LDLRAD4: variants seen among roughly 807,000 people sequenced by gnomAD.
The protein encoded by LDLRAD4 is low density lipoprotein receptor class A domain containing 4, also known as low-density lipoprotein receptor class A domain-containing protein 4.
LDLRAD4 carries 5 observed loss-of-function variants against 17.0 expected under a neutral mutation model. That is an observed-to-expected ratio of 0.29 (90% CI 0.15 to 0.62). LDLRAD4 has a LOEUF of 0.62. LDLRAD4 is among the 20% of genes least tolerant of loss of function. LDLRAD4 has a pLI of 0.84. For synonymous variants in LDLRAD4, 168 were observed against 171.8 expected, an observed-to-expected ratio of 0.98 and a Z score of 0.17; for missense variants, 340 against 424.7, an observed-to-expected ratio of 0.80 and a Z score of 1.75.
At chr18:13,296,677 A>G (rs890342903) in intron 1 of LDLRAD4, among the ~76,000 whole-genome samples, 2 of 151,978 alleles carry the variant, frequency 1.3e-5, no homozygotes, top group Non-Finnish European at 2.9e-5. Flanking sequence ...GAACCTGGCC[A>G]TAAACAGCCT....
intron 3 of LDLRAD4, chr18:13,611,995 G>A: frequency 1.0e-6 from 1 of 985,494 alleles, no homozygotes; most frequent in Non-Finnish European, 1.2e-6. Context: ...GCACGCTCTG[G>A]GAGCGGATCT....
intron 1 of LDLRAD4, among the ~76,000 whole-genome samples, chr18:13,266,498 C>T (rs2044227702): frequency 6.6e-6 from 1 of 152,228 alleles, no homozygotes; most frequent in African/African-American, 2.4e-5. Context: ...GCTCAGGTGT[C>T]CAGAGGCGGG....
chr18:13,334,956 A>G (rs1038349088), intron 1 of LDLRAD4, among the ~76,000 whole-genome samples: 2 of 152,200 alleles, frequency 1.3e-5, no homozygotes, highest in East Asian at 1.9e-4. Flanking sequence ...GCTCATTTAC[A>G]TTATTGATAT....
chr18:13,556,140 G>A (rs762924820), intron 3 of LDLRAD4, among the ~76,000 whole-genome samples: 22 of 152,148 alleles, frequency 1.4e-4, no homozygotes, highest in Admixed American at 5.2e-4. Flanking sequence ...AGAGTTCATC[G>A]TGTCTGGAAA....
chr18:13,266,175 A>G (rs1021363728), intron 1 of LDLRAD4, among the ~76,000 whole-genome samples: 2 of 152,130 alleles, frequency 1.3e-5, no homozygotes, highest in African/African-American at 4.8e-5. Context: ...ACTCGCCCAG[A>G]CCTTAAAAAC....
At chr18:13,468,155 T>C (rs1261193538) in intron 3 of LDLRAD4, among the ~76,000 whole-genome samples, 1 of 152,062 alleles carries the variant, frequency 6.6e-6, no homozygotes, top group Non-Finnish European at 1.5e-5. Context: ...TTTATCAAAA[T>C]GAAAGACTTG....
chr18:13,255,583 G>A (rs1945135), intron 1 of LDLRAD4, among the ~76,000 whole-genome samples: 14,425 of 152,266 alleles, frequency 0.095, 802 homozygotes, highest in East Asian at 0.17. Flanking sequence ...GTCCAGGTGG[G>A]ATGGGAGCCC....
chr18:13,625,739 C>G (rs1231675129), intron 4 of LDLRAD4, among the ~76,000 whole-genome samples: 1 of 130,580 alleles, frequency 7.7e-6, no homozygotes, highest in Non-Finnish European at 1.7e-5. Context: ...CTCCTCCCCC[C>G]ACCAGAGCCC....
Position 13,645,116 on chromosome 18 carries a change from T to A in LDLRAD4, c.391-11T>A. 1 of 1,596,392 alleles carries A rather than the reference T, an allele frequency of 6.3e-7. No homozygotes were observed. Among genetic ancestry groups the A allele is most frequent in the African/African-American group, 1.3e-5 (1 of 74,738 alleles). ...CAAACTGTCTTCAAGCCTCTCCTCT[T>A]TTCCTTCCAGATCATGCATGCCCCG... On this transcript the variant is annotated splice_polypyrimidine_tract_variant and intron_variant, in intron 5 of 5. Transcript: ENST00000359446. This position sits in a 1 kb window ranked among gnomAD's most constrained non-coding sequence, Gnocchi z 5.7.
At chr18:13,265,119 C>T (rs187414274) in intron 1 of LDLRAD4, among the ~76,000 whole-genome samples, 219 of 152,278 alleles carry the variant, frequency 1.4e-3, no homozygotes, top group Non-Finnish European at 5.3e-4. Flanking sequence ...CCTTTCCTCC[C>T]GCTGTGGTCA....
At chr18:13,327,549 G>A (rs746454027) in intron 1 of LDLRAD4, among the ~76,000 whole-genome samples, 2 of 152,148 alleles carry the variant, frequency 1.3e-5, no homozygotes, top group Non-Finnish European at 2.9e-5. Flanking sequence ...AGATGGAGAG[G>A]AAGTGGAGAG....
chr18:13,231,630 A>G (rs2042082413), intron 1 of LDLRAD4, among the ~76,000 whole-genome samples: 1 of 152,242 alleles, frequency 6.6e-6, no homozygotes, highest in Non-Finnish European at 1.5e-5. Context: ...CAAAACGCTT[A>G]CATTTCATAC....
intron 1 of LDLRAD4, among the ~76,000 whole-genome samples, chr18:13,270,392 A>G (rs1445090521): frequency 2.6e-5 from 4 of 151,910 alleles, no homozygotes; most frequent in Non-Finnish European, 5.9e-5. Flanking sequence ...AAGAAAAGGA[A>G]ATGTAGAACC....
intron 3 of LDLRAD4, chr18:13,615,703 G>A (rs1015023870): frequency 6.6e-6 from 1 of 152,236 alleles, no homozygotes; most frequent in East Asian, 1.9e-4. Context: ...GTGCTAGGAT[G>A]CCTTCCTGTA....
At chr18:13,265,061 T>C (rs2044139984) in intron 1 of LDLRAD4, among the ~76,000 whole-genome samples, 1 of 152,218 alleles carries the variant, frequency 6.6e-6, no homozygotes, top group African/African-American at 2.4e-5. Flanking sequence ...CCATCCACTG[T>C]GTCGCCAAGG....
At chr18:13,446,381 G>A (rs577881196) in intron 3 of LDLRAD4, among the ~76,000 whole-genome samples, 1 of 152,308 alleles carries the variant, frequency 6.6e-6, no homozygotes, top group South Asian at 2.1e-4. Context: ...AAGGGCTTGG[G>A]TGGTGGGGAT....
At chr18:13,348,925 G>A (rs529737917) in intron 1 of LDLRAD4, among the ~76,000 whole-genome samples, 10 of 152,312 alleles carry the variant, frequency 6.6e-5, no homozygotes, top group South Asian at 2.1e-4. Context: ...TTGGAAAAGC[G>A]CAGCATTAGG....
chr18:13,422,688 ACT>A (rs1037732205), intron 2 of LDLRAD4, among the ~76,000 whole-genome samples: 13 of 152,210 alleles, frequency 8.5e-5, no homozygotes, highest in Non-Finnish European at 1.0e-4. Flanking sequence ...GCAGAGTGAG[ACT>A]CTGTCTCAAA....
At chr18:13,275,364 C>A (rs2044798848), upstream of LDLRAD4, among the ~76,000 whole-genome samples, 2 of 152,174 alleles carry the variant, frequency 1.3e-5, no homozygotes, top group South Asian at 4.1e-4. Flanking sequence ...AAAATGAAAT[C>A]AGTGCTGGAG....
Sources: allele counts gnomAD v4.1 joint callset (sites outside exome capture counted in the v4.1 genomes callset), GRCh38; gene constraint gnomAD v4.1.1; non-coding constraint Gnocchi (gnomAD v3.1); transcripts MANE v1.5; gene names NCBI Gene and HGNC (gene_info 2026-07-23, HGNC 2026-07-21).